The following IL23R variants were observed in gnomAD, a reference collection of about 807,000 sequenced individuals.
IL23R encodes the protein interleukin-23 receptor.
Under a neutral mutation model 56.9 loss-of-function variants are expected in IL23R, and 34 were observed. The ratio of observed to expected loss-of-function variants is 0.60; its 90% CI spans 0.45 to 0.80. The LOEUF (loss-of-function observed/expected upper bound fraction) is 0.80, where lower values mean the gene tolerates loss of function less well. Among genes scored for constraint, IL23R ranks in the 30% least tolerant of loss-of-function variants. The pLI, the probability that IL23R is intolerant of heterozygous loss-of-function variation, is 0.00. For synonymous variants in IL23R, 230 were observed against 249.2 expected (o/e 0.92, Z 0.73); for missense variants, 635 against 730.0 (o/e 0.87, Z 1.50).
chr1:67,166,970 T>C (rs1646880378), intron 1 of IL23R, among the ~76,000 whole-genome samples: 1 of 152,260 alleles, frequency 6.6e-6, no homozygotes, highest in African/African-American at 2.4e-5. Flanking sequence ...ATGTTGATCA[T>C]TGAGTAAATG....
At chr1:67,213,115 C>T (rs1157552856) in intron 6 of IL23R, among the ~76,000 whole-genome samples, 1 of 152,170 alleles carries the variant, frequency 6.6e-6, no homozygotes, top group Non-Finnish European at 1.5e-5. Context: ...CCATCTCGGC[C>T]TCCCAAAATG....
chr1:67,156,002 G>A lies in IL23R; in HGVS notation c.-633-12090G>A, dbSNP rs1229789222. 1.7e-4 allele frequency among the ~76,000 whole-genome samples: 26 copies of A among 152,124 alleles called. 1 individual carries two copies. On this transcript the variant is annotated intron_variant, in intron 1 of 10. Transcript: ENST00000637002. ...TGGGGGCATCTTTTTTGTTGATATT[G>A]TTGTTGTTGTTTTCTGTTTGTAGTT...
chr1:67,143,380 A>C (rs1646655298), intron 1 of IL23R, among the ~76,000 whole-genome samples: 1 of 152,196 alleles, frequency 6.6e-6, no homozygotes, highest in South Asian at 2.1e-4. Context: ...AAGGATTTTG[A>C]GTATAAGGAG....
chr1:67,264,910 A>G (rs190740518), downstream of IL23R, among the ~76,000 whole-genome samples: 164 of 152,358 alleles, frequency 1.1e-3, 2 homozygotes, highest in South Asian at 0.024. Flanking sequence ...CTGGGGTAGT[A>G]AAAGTATTCT....
chr1:67,155,728 G>A (rs896564783), intron 1 of IL23R, among the ~76,000 whole-genome samples: 1 of 152,036 alleles, frequency 6.6e-6, no homozygotes, highest in African/African-American at 2.4e-5. Flanking sequence ...CTTTGCATTG[G>A]GTTAGAACAT....
At chr1:67,182,630 T>TGCACCCACTGTCCC (rs1046024842) in intron 3 of IL23R, among the ~76,000 whole-genome samples, 1 of 152,138 alleles carries the variant, frequency 6.6e-6, no homozygotes, top group Non-Finnish European at 1.5e-5. Context: ...CTCTGTGCAC[T>TGCACCCACTGTCCC]GCACCCACTG....
At chr1:67,220,043 C>G (rs1187061441) in intron 7 of IL23R, among the ~76,000 whole-genome samples, 1 of 151,994 alleles carries the variant, frequency 6.6e-6, no homozygotes. Context: ...TGCTCTCTAG[C>G]CTGGAGGAAA....
chr1:67,203,771 G>C (rs77658026), intron 5 of IL23R, among the ~76,000 whole-genome samples: 4,965 of 152,230 alleles, frequency 0.033, 111 homozygotes, highest in African/African-American at 0.06. Context: ...TAGCAGCTAC[G>C]GGCTGGGCTT....
chr1:67,185,150 G>A (rs1200097265), intron 4 of IL23R, among the ~76,000 whole-genome samples: 1 of 152,198 alleles, frequency 6.6e-6, no homozygotes, highest in Non-Finnish European at 1.5e-5. Flanking sequence ...AAGAGACTAA[G>A]ACAGCTGCAT....
At chr1:67,179,375 T>A (rs1218959564) in intron 3 of IL23R, among the ~76,000 whole-genome samples, 2 of 152,222 alleles carry the variant, frequency 1.3e-5, no homozygotes, top group African/African-American at 4.8e-5. Flanking sequence ...AATTTATCCA[T>A]TTCTTCTAGA....
intron 9 of IL23R, among the ~76,000 whole-genome samples, chr1:67,253,194 G>A (rs1652744721): frequency 6.6e-6 from 1 of 152,164 alleles, no homozygotes; most frequent in African/African-American, 2.4e-5. Context: ...AATTGTTTTA[G>A]TGTTTTAGCA....
At position 67,191,628 on chromosome 1, in the gene IL23R, A is replaced by G. The variant is rs571284056; in HGVS notation, c.491+8669A>G. 1.1e-4 allele frequency among the ~76,000 whole-genome samples: 16 copies of G among 152,182 alleles called. No homozygotes were observed. The South Asian group carries it at 2.7e-3, about 26-fold the overall frequency. ...TCTTTTTATGAAAAAAAATCAAAAG[A>G]GTTGTCTGCACTGTCTGTCTCTATT... On this transcript the variant is annotated intron_variant, in intron 4 of 10. Transcript: ENST00000347310.
At chr1:67,218,854 G>A (rs1209277612) in intron 6 of IL23R, among the ~76,000 whole-genome samples, 1 of 151,944 alleles carries the variant, frequency 6.6e-6, no homozygotes, top group Non-Finnish European at 1.5e-5. Context: ...AGGAGGAGGT[G>A]GAGGTTGCAG....
intron 3 of IL23R, among the ~76,000 whole-genome samples, chr1:67,170,099 A>T (rs1378833645): frequency 6.6e-6 from 1 of 152,212 alleles, no homozygotes; most frequent in East Asian, 1.9e-4. Context: ...AGAAATTTTG[A>T]GGCCAAGGTT....
chr1:67,146,309 C>T (rs1646678842), intron 1 of IL23R, among the ~76,000 whole-genome samples: 1 of 152,158 alleles, frequency 6.6e-6, no homozygotes, highest in African/African-American at 2.4e-5. Context: ...CTGTCGATGT[C>T]TATGCTAATG....
chr1:67,223,933 G>A (rs746646155), intron 7 of IL23R, among the ~76,000 whole-genome samples: 1 of 152,104 alleles, frequency 6.6e-6, no homozygotes, highest in Admixed American at 6.6e-5. Flanking sequence ...CAAGAGTTAA[G>A]CACCTTTTAA....
intron 1 of IL23R, among the ~76,000 whole-genome samples, chr1:67,160,098 C>A (rs1339884713): frequency 6.6e-6 from 1 of 152,052 alleles, no homozygotes; most frequent in African/African-American, 2.4e-5. Flanking sequence ...AGCAATCCAC[C>A]CACCTTGACC....
intron 7 of IL23R, among the ~76,000 whole-genome samples, chr1:67,232,499 T>C (rs1651165937): frequency 6.6e-6 from 1 of 152,200 alleles, no homozygotes; most frequent in African/African-American, 2.4e-5. Flanking sequence ...CAGCACAAAC[T>C]ACATGTCAGA....
chr1:67,207,536 T>C, intron 6 of IL23R: 1 of 313,460 alleles, frequency 3.2e-6, no homozygotes, highest in South Asian at 2.9e-5. Flanking sequence ...AGGCCAGTCT[T>C]TCCCACACTA....
Sources: gnomAD v4.1 joint callset for allele counts (sites outside exome capture counted in the v4.1 genomes callset) on GRCh38, gnomAD v4.1.1 for gene constraint, MANE v1.5 for transcripts, NCBI Gene and HGNC (gene_info 2026-07-23, HGNC 2026-07-21) for gene names.